The following DHRS9 variants were observed in gnomAD, a reference collection of about 807,000 sequenced individuals.
The protein encoded by DHRS9 is dehydrogenase/reductase SDR family member 9.
Under a neutral mutation model 26.6 loss-of-function variants are expected in DHRS9, and 18 were observed. That is an observed-to-expected ratio of 0.68 (90% CI 0.47 to 1.00). DHRS9 has a LOEUF of 1.00. DHRS9 is among the 50% of genes least tolerant of loss of function. The pLI is 0.00. For missense variants in DHRS9, 425 were observed against 378.7 expected (o/e 1.12, Z -1.01); for synonymous variants, 134 against 141.1 (o/e 0.95, Z 0.36).
upstream of DHRS9, chr2:169,067,093 G>A (rs16856428): frequency 7.3e-3 from 11,122 of 1,530,958 alleles, 533 homozygotes; most frequent in East Asian, 0.15. Context: ...GCTTATAGTC[G>A]TTCAGAGAAA....
At chr2:169,092,164 C>CT (rs1290038046) in intron 4 of DHRS9, among the ~76,000 whole-genome samples, 3 of 152,332 alleles carry the variant, frequency 2.0e-5, no homozygotes, top group East Asian at 3.9e-4. Context: ...AAGTTATCTG[C>CT]TAAGTGTCTT....
intron 1 of DHRS9, chr2:169,074,290 C>T (rs368526494): frequency 6.0e-5 from 59 of 985,318 alleles, no homozygotes; most frequent in East Asian, 4.5e-4. Context: ...TTAATTTGTC[C>T]GAGGGCCCTC....
chr2:169,083,237 G>C lies in DHRS9; in HGVS notation c.314-92G>C. ...GGAAAATGACTTCAAGGAGGAAATG[G>C]CACCATTGTGCAAAGCAGGGGCTGT... is the stretch of plus-strand genomic sequence containing the variant. On this transcript the variant is annotated intron_variant, in intron 2 of 4. Coordinates refer to ENST00000674881, the MANE Select transcript of DHRS9 (RefSeq NM_001376924.1). The C allele has an allele frequency of 4.1e-6, 6 of 1,464,264 alleles. No individual in the cohort carries two copies. In the African/African-American group the frequency reaches 7.0e-5, roughly 17 times the overall value. 90.7% of individuals were successfully genotyped at this position (1,464,264 alleles called of 1,614,324 possible). A position where few individuals can be genotyped will look rare whatever the true frequency, so the allele number is the denominator to read the frequency against.
rs767163184 is a variant in DHRS9 at position 169,083,392 on chromosome 2, C to T, written c.377C>T (p.Thr126Ile). Residue 126 changes from threonine (T) to isoleucine (I), a missense_variant, in exon 3 of 5, where the codon ACA becomes ATA. Coordinates refer to ENST00000674881, the MANE Select transcript of DHRS9 (RefSeq NM_001376924.1). ...PGVLAPTDWL[T>I]LEDYREPIEV... ...GTGCTGGCTCCCACTGACTGGCTGA[C>T]ACTAGAGGACTACAGAGAACCTATT... 3.1e-6 allele frequency: 5 copies of T among 1,614,004 alleles called. No individual in the cohort carries two copies. In the South Asian group the frequency reaches 4.4e-5, roughly 14 times the overall value.
At chr2:169,067,261 C>T, upstream of DHRS9, 1 of 1,535,464 alleles carries the variant, frequency 6.5e-7, no homozygotes. Context: ...ACAGCCTGCA[C>T]ACTGGAGTAA....
chr2:169,071,141 A>T (rs898075036), intron 1 of DHRS9, among the ~76,000 whole-genome samples: 4 of 152,162 alleles, frequency 2.6e-5, no homozygotes, highest in African/African-American at 9.7e-5. Context: ...AATATACTGA[A>T]GTTTTAAACA....
chr2:169,070,116 T>A (rs1465269230), intron 1 of DHRS9: 10 of 985,350 alleles, frequency 1.0e-5, no homozygotes, highest in Non-Finnish European at 1.2e-5. Context: ...CAGCAGATTC[T>A]CTGTCAACTG....
chr2:169,095,052 T>A (rs1684650753), intron 4 of DHRS9, among the ~76,000 whole-genome samples: 1 of 152,210 alleles, frequency 6.6e-6, no homozygotes, highest in East Asian at 1.9e-4. Flanking sequence ...CAAGCACATG[T>A]GCAACCCACA....
chr2:169,070,128 A>C (rs144161279), intron 1 of DHRS9: 15 of 985,338 alleles, frequency 1.5e-5, no homozygotes, highest in Admixed American at 6.1e-5. Flanking sequence ...TGTCAACTGC[A>C]GGTCTGATCT....
intron 3 of DHRS9, among the ~76,000 whole-genome samples, chr2:169,085,228 TTTA>T (rs1684314452): frequency 6.6e-6 from 1 of 152,146 alleles, no homozygotes; most frequent in Non-Finnish European, 1.5e-5. Context: ...TGCTGTTTTG[TTTA>T]CTATAGCTTT....
intron 4 of DHRS9, among the ~76,000 whole-genome samples, chr2:169,094,647 G>A (rs1324637590): frequency 1.3e-5 from 2 of 151,636 alleles, no homozygotes. Flanking sequence ...CTCCCAAAGT[G>A]CTGTAATTAC....
upstream of DHRS9, among the ~76,000 whole-genome samples, chr2:169,067,776 A>G (rs928339201): frequency 2.0e-5 from 3 of 152,208 alleles, no homozygotes; most frequent in East Asian, 5.8e-4. Flanking sequence ...ATATGGTTAC[A>G]GTCTGGATAA....
chr2:169,072,382 T>C (rs1683834279), intron 1 of DHRS9: 1 of 154,990 alleles, frequency 6.5e-6, no homozygotes, highest in Admixed American at 6.5e-5. Context: ...TGAAGTTATG[T>C]GGAAATAAAA....
rs1459664322 is a variant in DHRS9 at position 169,092,705 on chromosome 2, T to C, written c.736+752T>C. Among the ~76,000 whole-genome samples, 4 of 152,096 alleles carry C rather than the reference T, an allele frequency of 2.6e-5. No homozygotes were observed. In the East Asian group the frequency reaches 5.8e-4, roughly 22 times the overall value. ...GAGCAGGAACACATGGAGGAGAAGA[T>C]GGAAGACACCAGGAGCCTTCCTGGT... On this transcript the variant is annotated intron_variant, in intron 4 of 4. Transcript: ENST00000674881.
At chr2:169,082,801 T>A (rs1335610767) in intron 2 of DHRS9, among the ~76,000 whole-genome samples, 1 of 147,656 alleles carries the variant, frequency 6.8e-6, no homozygotes, top group Non-Finnish European at 1.5e-5. Flanking sequence ...TAGATCAATT[T>A]GTTCTCACTC....
chr2:169,092,623 G>GA (rs1684566141), intron 4 of DHRS9, among the ~76,000 whole-genome samples: 1 of 152,036 alleles, frequency 6.6e-6, no homozygotes, highest in African/African-American at 2.4e-5. Flanking sequence ...AATGGGGCAG[G>GA]TCAGGTTTGA....
chr2:169,082,753 A>G (rs910501376), intron 2 of DHRS9, among the ~76,000 whole-genome samples: 1 of 152,076 alleles, frequency 6.6e-6, no homozygotes, highest in Non-Finnish European at 1.5e-5. Context: ...CATTATATAA[A>G]TATTCTCTGG....
At chr2:169,074,192 G>A (rs1326411620) in intron 1 of DHRS9, 2 of 820,632 alleles carry the variant, frequency 2.4e-6, no homozygotes, top group East Asian at 1.2e-4. Context: ...TTACTGTAAC[G>A]GCAGACATTA....
rs145585999 is a variant in DHRS9, at chr2:169,083,522, T to C, written c.507T>C (p.Leu169=). 5 of 1,613,978 alleles carry C rather than the reference T, an allele frequency of 3.1e-6. No homozygotes were observed. The African/African-American group carries it at 6.7e-5, about 22-fold the overall frequency. ...ATGTCTCCAGTGTTGGAGGTCGCCT[T>C]GCAATCGTTGGAGGGGGCTATACTC... ...VINVSSVGGR[L]AIVGGGYTPS... The change falls in exon 3 of 5, where the codon CTT becomes CTC. Residue 169 remains leucine (L), a synonymous_variant. Coordinates refer to ENST00000674881, the MANE Select transcript of DHRS9 (RefSeq NM_001376924.1).
Sources: gnomAD v4.1 joint callset for allele counts (sites outside exome capture counted in the v4.1 genomes callset) on GRCh38, gnomAD v4.1.1 for gene constraint, MANE v1.5 for transcripts, NCBI Gene and HGNC (gene_info 2026-07-23, HGNC 2026-07-21) for gene names.